The following MYOM1 variants were observed in gnomAD, a reference collection of about 807,000 sequenced individuals.
The protein encoded by MYOM1 is myomesin-1.
A neutral mutation model predicts 205.3 loss-of-function variants in MYOM1; 164 were observed. The observed-to-expected ratio is 0.80, with a 90% confidence interval of 0.70 to 0.91. MYOM1 has a LOEUF of 0.91. Among genes scored for constraint, MYOM1 ranks in the 40% least tolerant of loss-of-function variants. The probability of loss-of-function intolerance (pLI) is 0.00; values close to 1 mark genes in which losing one functional copy is unlikely to be tolerated. For synonymous variants in MYOM1, 772 were observed against 789.4 expected, an observed-to-expected ratio of 0.98 and a Z score of 0.37; for missense variants, 2,011 against 2,127.3, an observed-to-expected ratio of 0.95 and a Z score of 1.08.
chr18:3,169,107 C>A, intron 8 of MYOM1, 126 bp from the exon 9 acceptor site: 2 of 812,750 alleles, frequency 2.5e-6, no homozygotes, highest in Non-Finnish European at 3.8e-6. Flanking sequence ...AATGATTTAA[C>A]TGGGTCAAAA....
intron 6 of MYOM1, 122 bp downstream of exon 6, chr18:3,175,920 G>A (rs2080632562): frequency 1.7e-5 from 11 of 646,002 alleles, no homozygotes; most frequent in Admixed American, 1.6e-4. Flanking sequence ...CACCGTATAC[G>A]AATGTCCCTC....
rs376205950 is a variant in MYOM1 at position 3,134,761 on chromosome 18, G to A, written c.2273C>T (p.Ser758Leu). 1.5e-5 allele frequency: 25 copies of A among 1,613,782 alleles called. No individual in the cohort carries two copies. The highest frequency in any genetic ancestry group is 6.7e-5 in the Admixed American group (4 of 59,984). The change falls in exon 16 of 38, where the codon TCG (serine) becomes TTG (leucine). Residue 758 changes from serine to leucine, a missense_variant. By Grantham distance (145) the Ser-to-Leu change is moderately radical. Coordinates refer to ENST00000356443, the MANE Select transcript of MYOM1 (RefSeq NM_003803.4). ...SRNTDTSVVV[S>L]WEESKDAKEL... ...TTTGGCATCTTTGGACTCCTCCCAC[G>A]AAACTACCACTGAGGTGTCTGTGTT...
At chr18:3,243,149 G>T in the MYOM1 span, among the ~76,000 whole-genome samples, 1 of 151,892 alleles carries the variant, frequency 6.6e-6, no homozygotes, top group Non-Finnish European at 1.5e-5. Context: ...TATATTATTT[G>T]TAGTTTTGGT....
At chr18:3,157,685 AT>A (rs1334061694) in intron 10 of MYOM1, among the ~76,000 whole-genome samples, 6 of 59,718 alleles carry the variant, frequency 1.0e-4, no homozygotes, top group Non-Finnish European at 1.7e-4. Flanking sequence ...TCCAAAAATA[AT>A]AATAATAATA....
At chr18:3,123,199 A>G (rs1471706523) in intron 19 of MYOM1, among the ~76,000 whole-genome samples, 1 of 152,222 alleles carries the variant, frequency 6.6e-6, no homozygotes, top group African/African-American at 2.4e-5. Flanking sequence ...AGTAAAAGTT[A>G]TAAAATTTGG....
At chr18:3,070,056 G>A (rs1364840256) in intron 37 of MYOM1, among the ~76,000 whole-genome samples, 1 of 152,164 alleles carries the variant, frequency 6.6e-6, no homozygotes, top group Non-Finnish European at 1.5e-5. Context: ...GTCACCCACT[G>A]TATGTCTTCA....
At chr18:3,208,557 CA>C (rs1384779017) in intron 2 of MYOM1, among the ~76,000 whole-genome samples, 4 of 152,082 alleles carry the variant, frequency 2.6e-5, no homozygotes, top group South Asian at 4.1e-4. Flanking sequence ...GCCTTTTAAA[CA>C]AAGTAACTCT....
chr18:3,080,132 G>C (rs2079067631), intron 33 of MYOM1, among the ~76,000 whole-genome samples: 1 of 151,984 alleles, frequency 6.6e-6, no homozygotes. Context: ...CTGAGGAAAT[G>C]TTTAAAAAGT....
At chr18:3,114,434 G>A (rs1264082534) in intron 21 of MYOM1, among the ~76,000 whole-genome samples, 1 of 151,244 alleles carries the variant, frequency 6.6e-6, no homozygotes, top group African/African-American at 2.4e-5. Context: ...CTGGAGTGCA[G>A]TGGTGCAATC....
chr18:3,246,553 T>G, the MYOM1 span: 1 of 152,354 alleles, frequency 6.6e-6, no homozygotes, highest in East Asian at 1.9e-4. Flanking sequence ...ACCACGAAGT[T>G]AACTTTGGAA....
intron 1 of MYOM1, among the ~76,000 whole-genome samples, chr18:3,216,784 T>G (rs1379289036): frequency 6.6e-6 from 1 of 152,180 alleles, no homozygotes; most frequent in African/African-American, 2.4e-5. Flanking sequence ...CGCCGATGTC[T>G]GAAGATGGAC....
intron 33 of MYOM1, among the ~76,000 whole-genome samples, chr18:3,080,934 C>A (rs1375829891): frequency 6.6e-6 from 1 of 151,968 alleles, no homozygotes; most frequent in East Asian, 1.9e-4. Context: ...GAGTTTGAAA[C>A]CAGCCTGGCC....
intron 9 of MYOM1, among the ~76,000 whole-genome samples, chr18:3,168,168 TTAA>T (rs66783081): frequency 6.6e-6 from 1 of 152,352 alleles, no homozygotes; most frequent in Non-Finnish European, 1.5e-5. Flanking sequence ...TTCTGGTTAA[TTAA>T]TAATAATATC....
Position 3,085,025 on chromosome 18 carries a change from C to T in MYOM1, c.4339+20G>A. ...TATGCAGAAACACACAAGACAGACC[C>T]CAGCAGTTGGTGGACTGACCTTCAT... On this transcript the variant is annotated intron_variant, in intron 31 of 37. Coordinates refer to ENST00000356443, the MANE Select transcript of MYOM1 (RefSeq NM_003803.4). 1.3e-6 allele frequency: 2 copies of T among 1,574,232 alleles called. No individual in the cohort carries two copies. The highest frequency in any genetic ancestry group is 1.7e-6 in the Non-Finnish European group (2 of 1,153,396).
chr18:3,168,340 G>GAGGT (rs2080503175), intron 9 of MYOM1, among the ~76,000 whole-genome samples: 1 of 151,986 alleles, frequency 6.6e-6, no homozygotes, highest in Non-Finnish European at 1.5e-5. Context: ...CCCAGGCGGA[G>GAGGT]TGCAATGGCG....
chr18:3,143,123 G>A lies in MYOM1; in HGVS notation c.1901-1060C>T, dbSNP rs1453616908. 3.9e-5 allele frequency among the ~76,000 whole-genome samples: 6 copies of A among 152,064 alleles called. 1 individual carries two copies. The highest frequency in any genetic ancestry group is 3.3e-4 in the Admixed American group (5 of 15,252). ...AATGCTGAAAAAACAGTGATAAAGA[G>A]AATATATTAAAAGCAGATAGAGAAG... is the stretch of plus-strand genomic sequence containing the variant. On this transcript the variant is annotated intron_variant, in intron 13 of 37. Transcript: ENST00000356443.
At chr18:3,149,366 G>A (rs1158089440) in intron 12 of MYOM1, among the ~76,000 whole-genome samples, 165 bp from the exon 13 acceptor site, 2 of 152,172 alleles carry the variant, frequency 1.3e-5, no homozygotes. Context: ...GGCACTGTGG[G>A]AAGCACAGCC....
intron 13 of MYOM1, among the ~76,000 whole-genome samples, chr18:3,148,867 A>AG (rs1371941764): frequency 8.7e-5 from 13 of 149,948 alleles, no homozygotes; most frequent in Non-Finnish European, 1.8e-4. Context: ...AAAAAAAAAA[A>AG]AAAAAGAAAA....
the MYOM1 span, among the ~76,000 whole-genome samples, chr18:3,233,779 G>A: frequency 6.6e-6 from 1 of 152,210 alleles, no homozygotes; most frequent in Non-Finnish European, 1.5e-5. Context: ...GGCTGGTAGA[G>A]GCACTGATTT....
Sources: allele counts gnomAD v4.1 joint callset (sites outside exome capture counted in the v4.1 genomes callset), GRCh38; gene constraint gnomAD v4.1.1; transcripts MANE v1.5; gene names NCBI Gene and HGNC (gene_info 2026-07-23, HGNC 2026-07-21).